The following IL18R1 variants were observed in gnomAD, a reference collection of about 807,000 sequenced individuals.
IL18R1 encodes interleukin-18 receptor 1.
IL18R1 carries 40 observed loss-of-function variants against 48.5 expected under a neutral mutation model. The ratio of observed to expected loss-of-function variants is 0.82; its 90% CI spans 0.64 to 1.07. IL18R1 has a LOEUF of 1.07. Among genes scored for constraint, IL18R1 ranks in the 50% least tolerant of loss-of-function variants. The pLI is 0.00. For synonymous variants in IL18R1, 232 were observed against 225.9 expected, an observed-to-expected ratio of 1.03 and a Z score of -0.24; for missense variants, 596 against 633.7, an observed-to-expected ratio of 0.94 and a Z score of 0.64.
chr2:102,385,029 T>C, intron 7 of IL18R1, 31 bp downstream of exon 7: 1 of 1,219,804 alleles, frequency 8.2e-7, no homozygotes, highest in Middle Eastern at 1.9e-4. Context: ...TGTCATGATA[T>C]ATACCATATA....
At chr2:102,387,320 C>T (rs1680293434) in intron 8 of IL18R1, among the ~76,000 whole-genome samples, 1 of 152,228 alleles carries the variant, frequency 6.6e-6, no homozygotes, top group Non-Finnish European at 1.5e-5. Context: ...CCCAGCACTG[C>T]ACCCAGAGCA....
chr2:102,385,064 AT>A, intron 7 of IL18R1, 66 bp downstream of exon 7: 1 of 837,216 alleles, frequency 1.2e-6, no homozygotes. Flanking sequence ...TATATATAAC[AT>A]CATATTAAAA....
chr2:102,360,524 A>G (rs1678513364), intron 1 of IL18R1, among the ~76,000 whole-genome samples: 1 of 152,164 alleles, frequency 6.6e-6, no homozygotes, highest in Non-Finnish European at 1.5e-5. Context: ...CGGCCTCCCA[A>G]AGTGCTGGGA....
At position 102,371,848 on chromosome 2, in the gene IL18R1, TA is replaced by T. The variant is rs954385827; in HGVS notation, c.303-100del. The T allele has an allele frequency of 8.8e-6, 6 of 678,572 alleles. No homozygotes were observed. In the African/African-American group the frequency reaches 9.2e-5, roughly 10 times the overall value. The allele number at this position is 678,572 out of a possible 1,614,324, so 42.0% of individuals were successfully genotyped here. A position where few individuals can be genotyped will look rare whatever the true frequency, so the allele number is the denominator to read the frequency against. On this transcript the variant is annotated intron_variant, in intron 3 of 10. Coordinates refer to ENST00000233957, the MANE Select transcript of IL18R1 (RefSeq NM_003855.5). Reference sequence around the variant, plus strand: ...CACATCAATGAATCAATCTCTTTAATAAAAATAAAGGAAAAATATTGTAACT... The same window carrying T: ...CACATCAATGAATCAATCTCTTTAATAAAATAAAGGAAAAATATTGTAACT...
At position 102,356,207 on chromosome 2, in the gene IL18R1, CTT is replaced by C. The variant is rs397872910; in HGVS notation, c.-208_-207del. 2.5e-3 allele frequency: 443 copies of C among 177,570 alleles called. No homozygotes were observed. Among genetic ancestry groups the C allele is most frequent in the Non-Finnish European group, 4.1e-3 (396 of 97,776 alleles). 11.0% of individuals were successfully genotyped at this position (177,570 alleles called of 1,614,324 possible). A position where few individuals can be genotyped will look rare whatever the true frequency, so the allele number is the denominator to read the frequency against. On this transcript the variant is annotated 5_prime_UTR_variant, in exon 1 of 11. Transcript: ENST00000233957. ...GTTCCTACTTTTTTTCCTTCTTCTT[CTT>C]TTTTTTTTTTTTTGTAGCCCTCTCT...
intron 2 of IL18R1, among the ~76,000 whole-genome samples, chr2:102,367,468 C>A (rs1450441769): frequency 1.3e-5 from 2 of 152,112 alleles, no homozygotes; most frequent in Non-Finnish European, 2.9e-5. Flanking sequence ...GTAGGTATGG[C>A]AGCACCGTGA....
In IL18R1 at chr2:102,394,606, A is replaced by G; in HGVS notation, c.1249A>G (p.Arg417Gly). 1 of 1,611,004 alleles carries G rather than the reference A, an allele frequency of 6.2e-7. No homozygotes were observed. The highest frequency in any genetic ancestry group is 8.5e-7 in the Non-Finnish European group (1 of 1,177,898). ...TGGGTATAAGTTATGCATATTTGAA[A>G]GGGATGTAGTGCCTGGAGGAGGTAA... ...HFGYKLCIFE[R>G]DVVPGGAVVD... The change falls in exon 10 of 11, where the codon AGG becomes GGG. Residue 417 changes from arginine (R) to glycine (G), a missense_variant. Coordinates refer to ENST00000233957, the MANE Select transcript of IL18R1 (RefSeq NM_003855.5).
chr2:102,393,345 A>T (rs1282319157), intron 9 of IL18R1, among the ~76,000 whole-genome samples: 4 of 152,166 alleles, frequency 2.6e-5, no homozygotes, highest in Non-Finnish European at 2.9e-5. Flanking sequence ...TAAGCCTGAA[A>T]TTTTTACCAA....
chr2:102,388,221 C>T (rs569419462), intron 8 of IL18R1, among the ~76,000 whole-genome samples: 1 of 152,230 alleles, frequency 6.6e-6, no homozygotes, highest in African/African-American at 2.4e-5. Flanking sequence ...AGAGCCGCCT[C>T]TCTACCATAT....
At chr2:102,362,025 C>T (rs951414356) in intron 1 of IL18R1, among the ~76,000 whole-genome samples, 2 of 152,176 alleles carry the variant, frequency 1.3e-5, no homozygotes, top group Non-Finnish European at 2.9e-5. Context: ...CACACCTATG[C>T]CTCAGTGACA....
In IL18R1 at chr2:102,356,349, G is replaced by C. The variant is rs1253159699; in HGVS notation, c.-80G>C. 2 of 985,082 alleles carry C rather than the reference G, an allele frequency of 2.0e-6. No homozygotes were observed. Among genetic ancestry groups the C allele is most frequent in the Non-Finnish European group, 1.2e-6 (1 of 829,912 alleles). The allele number at this position is 985,082 out of a possible 1,614,324, so 61.0% of individuals were successfully genotyped here. A position where few individuals can be genotyped will look rare whatever the true frequency, so the allele number is the denominator to read the frequency against. ...TTGGCCTCCGCAGTCGCGACCTGGCGTGAAGGAGGAGCTGCCGCCCCCGCC... is the reference window on the plus strand; with the variant it reads ...TTGGCCTCCGCAGTCGCGACCTGGCCTGAAGGAGGAGCTGCCGCCCCCGCC... On this transcript the variant is annotated 5_prime_UTR_variant, in exon 1 of 11. Transcript: ENST00000233957.
intron 7 of IL18R1, 103 bp from the exon 8 acceptor site, chr2:102,386,758 T>G (rs998769683): frequency 8.7e-7 from 1 of 1,146,236 alleles, no homozygotes; most frequent in African/African-American, 1.6e-5. Flanking sequence ...GAAGAAATAA[T>G]GCAGGCAACA....
intron 10 of IL18R1, among the ~76,000 whole-genome samples, chr2:102,394,897 C>A (rs930302154): frequency 3.3e-5 from 5 of 152,158 alleles, no homozygotes; most frequent in African/African-American, 1.2e-4. Context: ...CAGAACCGGG[C>A]CCAGAGCTGG....
Position 102,390,117 on chromosome 2 carries a change from C to T in IL18R1, c.1011C>T (p.Ile337=), listed in dbSNP as rs1680478846. 1.2e-6 allele frequency: 2 copies of T among 1,613,864 alleles called. No homozygotes were observed. Among genetic ancestry groups the T allele is most frequent in the Non-Finnish European group, 1.7e-6 (2 of 1,179,944 alleles). Residue 337 remains isoleucine (I), a synonymous_variant, in exon 9 of 11, where the codon ATC becomes ATT. Transcript: ENST00000233957. The part of the protein sequence containing the change: ...FTRGMIIAVL[I]LVAVVCLVTV... ...GAGGAATGATCATAGCTGTTTTGAT[C>T]TTGGTGGCAGTAGTGTGCCTAGTGA...
intron 9 of IL18R1, among the ~76,000 whole-genome samples, chr2:102,392,556 G>A (rs1238260879): frequency 2.0e-5 from 3 of 152,078 alleles, no homozygotes; most frequent in Non-Finnish European, 4.4e-5. Flanking sequence ...TGCAGTCCAC[G>A]AAAAGGACAG....
intron 9 of IL18R1, 139 bp downstream of exon 9, chr2:102,390,356 G>C: frequency 1.3e-6 from 1 of 770,578 alleles, no homozygotes; most frequent in South Asian, 1.8e-5. Flanking sequence ...ATATTGTTCT[G>C]CCTGTACCAT....
intron 1 of IL18R1, among the ~76,000 whole-genome samples, chr2:102,357,882 G>C (rs1441345508): frequency 6.8e-6 from 1 of 146,374 alleles, no homozygotes; most frequent in African/African-American, 2.7e-5. Flanking sequence ...GAGTTTAAGC[G>C]TGTGTGTGTG....
intron 4 of IL18R1, 46 bp downstream of exon 4, chr2:102,372,164 T>C (rs1372761191): frequency 1.4e-6 from 2 of 1,470,756 alleles, no homozygotes; most frequent in African/African-American, 2.9e-5. Flanking sequence ...ATGGAAAAGA[T>C]AAAATTCCCA....
chr2:102,385,554 A>C (rs1305121275), intron 7 of IL18R1, among the ~76,000 whole-genome samples: 1 of 152,104 alleles, frequency 6.6e-6, no homozygotes, highest in African/African-American at 2.4e-5. Context: ...CTGATACACT[A>C]CTCAGGGTCT....
Sources: allele counts gnomAD v4.1 joint callset (sites outside exome capture counted in the v4.1 genomes callset), GRCh38; gene constraint gnomAD v4.1.1; transcripts MANE v1.5; gene names NCBI Gene and HGNC (gene_info 2026-07-23, HGNC 2026-07-21).